The following SRGAP2 variants were observed in gnomAD, a reference collection of about 807,000 sequenced individuals.
SRGAP2 encodes SLIT-ROBO Rho GTPase activating protein 2, also known as SLIT-ROBO Rho GTPase-activating protein 2.
SRGAP2 carries 15 observed loss-of-function variants against 57.2 expected under a neutral mutation model. The observed-to-expected ratio is 0.26, with a 90% CI of 0.18 to 0.40. SRGAP2 has a LOEUF of 0.40. SRGAP2 is among the 10% of genes least tolerant of loss of function. SRGAP2 has a pLI of 1.00. For missense variants in SRGAP2, 520 were observed against 669.6 expected, an observed-to-expected ratio of 0.78 and a Z score of 2.47; for synonymous variants, 249 against 248.0, an observed-to-expected ratio of 1.00 and a Z score of -0.04.
chr1:206,298,890 TTTA>T (rs1671729241), intron 2 of SRGAP2, among the ~76,000 whole-genome samples: 5 of 152,018 alleles, frequency 3.3e-5, no homozygotes, highest in African/African-American at 9.7e-5. Flanking sequence ...ATAAAGAATA[TTTA>T]AAGCAGAAAC....
At chr1:206,388,260 G>A (rs1158275439) in intron 5 of SRGAP2, among the ~76,000 whole-genome samples, 1 of 152,144 alleles carries the variant, frequency 6.6e-6, no homozygotes, top group African/African-American at 2.4e-5. Context: ...TTGGAGCAGC[G>A]GCTGTGTGCT....
chr1:206,287,294 T>C (rs1671078965), intron 2 of SRGAP2, among the ~76,000 whole-genome samples: 1 of 150,282 alleles, frequency 6.7e-6, no homozygotes, highest in Admixed American at 6.6e-5. Context: ...GTTAGATGGC[T>C]ATGAGGAAAT....
chr1:206,303,888 T>TCACA (rs1172123806), intron 3 of SRGAP2, among the ~76,000 whole-genome samples: 196 of 138,460 alleles, frequency 1.4e-3, no homozygotes, highest in Non-Finnish European at 1.6e-3. Flanking sequence ...TCTCTCTCTC[T>TCACA]CACACACACA....
chr1:206,418,891 TG>T (rs1660019221), intron 11 of SRGAP2, among the ~76,000 whole-genome samples: 1 of 57,420 alleles, frequency 1.7e-5, no homozygotes, highest in Admixed American at 1.8e-4. Flanking sequence ...ACTCTCTCTG[TG>T]TGTGTGTGTG....
At chr1:206,415,637 C>A (rs1214032573) in intron 10 of SRGAP2, among the ~76,000 whole-genome samples, 3 of 152,110 alleles carry the variant, frequency 2.0e-5, no homozygotes, top group South Asian at 4.1e-4. Flanking sequence ...GAGAGGGGCT[C>A]TAGGAAACAA....
intron 4 of SRGAP2, among the ~76,000 whole-genome samples, chr1:206,346,811 A>G (rs1381717951): frequency 1.3e-5 from 2 of 152,222 alleles, no homozygotes; most frequent in Admixed American, 6.5e-5. Flanking sequence ...AGAAGTCATT[A>G]TATTTTGAAC....
chr1:206,437,869 C>G, intron 15 of SRGAP2, 95 bp from the exon 16 acceptor site: 2 of 738,810 alleles, frequency 2.7e-6, no homozygotes, highest in South Asian at 1.5e-5. Flanking sequence ...GGATTGGGAC[C>G]AGGACATGCA....
intron 3 of SRGAP2, among the ~76,000 whole-genome samples, chr1:206,331,620 A>G (rs1674361432): frequency 1.4e-5 from 2 of 140,964 alleles, no homozygotes; most frequent in Non-Finnish European, 3.1e-5. Context: ...ATCAGAGACT[A>G]GGATTGCAAC....
chr1:206,390,494 T>TA (rs879978902), intron 5 of SRGAP2, among the ~76,000 whole-genome samples: 3 of 152,204 alleles, frequency 2.0e-5, no homozygotes, highest in Admixed American at 1.3e-4. Context: ...ACCCCTTTTT[T>TA]ATCTCATGTT....
intron 2 of SRGAP2, among the ~76,000 whole-genome samples, chr1:206,298,674 C>G (rs1671716100): frequency 6.6e-6 from 1 of 152,108 alleles, no homozygotes; most frequent in Non-Finnish European, 1.5e-5. Context: ...AACTCTGATT[C>G]TCAGGAACCT....
At chr1:206,443,194 A>C (rs2103346777) in intron 17 of SRGAP2, among the ~76,000 whole-genome samples, 1 of 152,376 alleles carries the variant, frequency 6.6e-6, no homozygotes, top group South Asian at 2.1e-4. Flanking sequence ...AGATGAGTTC[A>C]AATCAGTTAG....
chr1:206,319,379 C>G (rs1180526135), intron 3 of SRGAP2, among the ~76,000 whole-genome samples: 17 of 151,584 alleles, frequency 1.1e-4, no homozygotes, highest in African/African-American at 4.2e-4. Context: ...CCACTGCACT[C>G]CAGCCTGGGT....
intron 3 of SRGAP2, chr1:206,333,285 C>G (rs1674516548): frequency 8.5e-7 from 1 of 1,173,512 alleles, no homozygotes. Flanking sequence ...GGAGCTGTTC[C>G]TATTCGGCCA....
chr1:206,211,989 A>G (rs1293206859), intron 2 of SRGAP2, among the ~76,000 whole-genome samples: 1 of 149,816 alleles, frequency 6.7e-6, no homozygotes, highest in East Asian at 2.0e-4. Flanking sequence ...AATGTCCTCA[A>G]AGTTCATCCA....
chr1:206,450,758 C>T (rs1553375580), intron 19 of SRGAP2, among the ~76,000 whole-genome samples: 1 of 152,178 alleles, frequency 6.6e-6, no homozygotes, highest in African/African-American at 2.4e-5. Flanking sequence ...ATGTTGGTCC[C>T]TTATCATAGC....
intron 21 of SRGAP2, among the ~76,000 whole-genome samples, chr1:206,456,864 CT>C (rs1558456313): frequency 6.6e-6 from 1 of 152,210 alleles, no homozygotes; most frequent in Non-Finnish European, 1.5e-5. Flanking sequence ...TCTTTCGCCC[CT>C]GGGCGCTCAC....
intron 5 of SRGAP2, among the ~76,000 whole-genome samples, chr1:206,387,137 A>AAG (rs1174240513): frequency 6.6e-6 from 1 of 151,120 alleles, no homozygotes; most frequent in Non-Finnish European, 1.5e-5. Context: ...AAAAAAAAAA[A>AAG]AAAAAAAAAA....
rs1222199635 is a variant in SRGAP2 at position 206,210,430 on chromosome 1, T to A, written c.67+4393T>A. Among the ~76,000 whole-genome samples, 8 of 127,796 alleles carry A rather than the reference T, an allele frequency of 6.3e-5. No individual in the cohort carries two copies. The South Asian group carries it at 9.7e-4, about 15-fold the overall frequency. 83.8% of individuals were successfully genotyped at this position (127,796 alleles called of 152,430 possible). ...TTTTTTTTTTTTTTTTTTTTTTTTT[T>A]AATGTCTTAGGAGAACAGTGTGTGT... On this transcript the variant is annotated intron_variant, in intron 2 of 22. Transcript: ENST00000573034.
intron 4 of SRGAP2, among the ~76,000 whole-genome samples, chr1:206,363,720 C>T (rs1375291501): frequency 6.6e-6 from 1 of 152,050 alleles, no homozygotes; most frequent in Non-Finnish European, 1.5e-5. Flanking sequence ...TGTTTGGTTT[C>T]CTCATGGTTG....
Sources: gnomAD v4.1 joint callset for allele counts (sites outside exome capture counted in the v4.1 genomes callset) on GRCh38, gnomAD v4.1.1 for gene constraint, MANE v1.5 for transcripts, NCBI Gene and HGNC (gene_info 2026-07-23, HGNC 2026-07-21) for gene names.